The following TTN variants were observed in gnomAD, a reference collection of about 807,000 sequenced individuals.
The protein encoded by TTN is connectin.
In TTN, 1,525 loss-of-function variants were observed where a neutral mutation model predicts 3,223.0. The observed-to-expected ratio is 0.47, with a 90% CI of 0.45 to 0.49. The LOEUF (loss-of-function observed/expected upper bound fraction) is 0.49, where lower values mean the gene tolerates loss of function less well. TTN is among the 20% of genes least tolerant of loss of function. The probability of loss-of-function intolerance (pLI) is 0.00; values close to 1 mark genes in which losing one functional copy is unlikely to be tolerated. For missense variants in TTN, 40,786 were observed against 43,424.0 expected (o/e 0.94, Z 5.40); for synonymous variants, 14,094 against 15,161.0 (o/e 0.93, Z 5.17).
Position 178,591,705 on chromosome 2 carries a change from A to G in TTN, c.60114T>C (p.Thr20038=). 1.2e-6 allele frequency: 2 copies of G among 1,613,320 alleles called. No individual in the cohort carries two copies. The highest frequency in any genetic ancestry group is 2.2e-5 in the East Asian group (1 of 44,788). Residue 20038 remains threonine, a synonymous_variant, in exon 303 of 363, where the codon ACT becomes ACC. Transcript: ENST00000589042. ...TATAGGTCTTTCCTTGTTGTAGTCC[A>G]GTAACCACACACTCTAAGTTTGTCA... The part of the protein sequence containing the change: ...KTVTNLECVV[T]GLQQGKTYRF...
rs1427022532 is a variant in TTN, at chr2:178,649,815, A to G, written c.39895+2T>C. 1 of 1,611,292 alleles carries G rather than the reference A, an allele frequency of 6.2e-7. No homozygotes were observed. The highest frequency in any genetic ancestry group is 1.3e-5 in the African/African-American group (1 of 74,676). On this transcript the variant is annotated splice_donor_variant, in intron 211 of 362. Transcript: ENST00000589042. LOFTEE classifies it high-confidence loss of function. ...ATGAAGTATTCATTTTAACATGAGT[A>G]CCTTTAGGAGGCGGTGCTTCTGGTT...
At chr2:178,680,384 C>T (rs528450955) in intron 138 of TTN, 53 bp from the exon 139 acceptor site, 2 of 1,458,030 alleles carry the variant, frequency 1.4e-6, no homozygotes, top group African/African-American at 2.8e-5. Context: ...GCCACCCAGC[C>T]AATGCTTGTT....
Position 178,738,300 on chromosome 2 carries a change from T to A in TTN, c.14153A>T (p.Lys4718Ile), listed in dbSNP as rs753558755. The change falls in exon 49 of 363, where the codon AAA (lysine) becomes ATA (isoleucine). Residue 4718 changes from lysine (K) to isoleucine (I), a missense_variant. By Grantham distance (102) the Lys-to-Ile change is moderately radical. Transcript: ENST00000589042. ...PLEVALGHLAKFTCEIQSAPN... is the reference protein window; with the variant it reads ...PLEVALGHLAIFTCEIQSAPN... ...AGCACTTTGGATCTCACAGGTGAAT[T>A]TGGCTAGGTGGCCCAGTGCTACTTC... is the stretch of plus-strand genomic sequence containing the variant. The A allele has an allele frequency of 5.6e-6, 9 of 1,613,442 alleles. No homozygotes were observed. The East Asian group carries it at 2.0e-4, about 36-fold the overall frequency.
In TTN at chr2:178,570,535, G is replaced by A; in HGVS notation, c.75597C>T (p.Val25199=). The change falls in exon 326 of 363, where the codon GTC becomes GTT. Residue 25199 remains valine (V), a synonymous_variant. Transcript: ENST00000589042. ...GTGGCCCTGGTCTGTCAAGAACCTT[G>A]ACATTCACAGTAACTGATCTTTCTC... is the stretch of plus-strand genomic sequence containing the variant. ...VAGERSVTVN[V]KVLDRPGPPE... is the part of the protein sequence containing the mutation. 6.2e-7 allele frequency: 1 copy of A among 1,613,252 alleles called. No homozygotes were observed. Among genetic ancestry groups the A allele is most frequent in the Non-Finnish European group, 8.5e-7 (1 of 1,179,570 alleles).
At position 178,572,196 on chromosome 2, in the gene TTN, T is replaced by A. The variant is rs1424678846; in HGVS notation, c.73936A>T (p.Ser24646Cys). The A allele has an allele frequency of 1.2e-5, 19 of 1,613,362 alleles. No individual in the cohort carries two copies. In the Admixed American group the frequency reaches 3.0e-4, roughly 25 times the overall value. The change falls in exon 326 of 363, where the codon AGC becomes TGC. Residue 24646 changes from serine (S) to cysteine (C), a missense_variant. Coordinates refer to ENST00000589042, the MANE Select transcript of TTN (RefSeq NM_001267550.2). The part of the protein sequence containing the change: ...SWEKPEHDGG[S>C]RILGYIVEMQ... ...TCCACAATGTAGCCTAGAATTCGGC[T>A]GCCTCCATCATGCTCTGGTTTCTCC...
At chr2:178,649,742 C>A (rs543420542) in intron 211 of TTN, 75 bp downstream of exon 211, 1 of 1,556,944 alleles carries the variant, frequency 6.4e-7, no homozygotes, top group Non-Finnish European at 8.8e-7. Flanking sequence ...ACATATAATA[C>A]AACACAACAC....
chr2:178,671,162 T>C lies in TTN; in HGVS notation c.35236A>G (p.Ile11746Val). Reference protein sequence around the residue: ...KPKAPPKGPEISEKIIPPKKP... With the variant: ...KPKAPPKGPEVSEKIIPPKKP... ...TTTGGAGGGATGATTTTCTCAGATATCTCAGGCCCTTCAAAGATATTAGTA... is the reference window on the plus strand; with the variant it reads ...TTTGGAGGGATGATTTTCTCAGATACCTCAGGCCCTTCAAAGATATTAGTA... The change falls in exon 156 of 363, where the codon ATA (isoleucine) becomes GTA (valine). Residue 11746 changes from isoleucine (I) to valine (V), a missense_variant. Coordinates refer to ENST00000589042, the MANE Select transcript of TTN (RefSeq NM_001267550.2). The C allele has an allele frequency of 6.3e-7, 1 of 1,598,024 alleles. No individual in the cohort carries two copies. The highest frequency in any genetic ancestry group is 8.5e-7 in the Non-Finnish European group (1 of 1,173,924).
chr2:178,695,188 C>G (rs1425828539), intron 115 of TTN, among the ~76,000 whole-genome samples, 160 bp downstream of exon 115: 1 of 150,600 alleles, frequency 6.6e-6, no homozygotes, highest in East Asian at 1.9e-4. Flanking sequence ...TTAATGAAAT[C>G]AATTAGATAG....
At position 178,561,497 on chromosome 2, in the gene TTN, G is replaced by A. The variant is rs527851457; in HGVS notation, c.84635C>T (p.Thr28212Ile). The A allele has an allele frequency of 5.0e-6, 8 of 1,613,670 alleles. No homozygotes were observed. The Admixed American group carries it at 1.0e-4, about 20-fold the overall frequency. ...SKANKILIAD[T>I]QMKVSGLDEG... Reference sequence around the variant, plus strand: ...ATCAAGGCCGGAGACTTTCATTTGAGTATCAGCAATGAGGATTTTATTTGC... The same window carrying A: ...ATCAAGGCCGGAGACTTTCATTTGAATATCAGCAATGAGGATTTTATTTGC... Residue 28212 changes from threonine (T) to isoleucine (I), a missense_variant, in exon 326 of 363, where the codon ACT (threonine) becomes ATT (isoleucine). Physicochemically the swap from Thr to Ile is moderately conservative, Grantham distance 89. Transcript: ENST00000589042.
At position 178,542,531 on chromosome 2, in the gene TTN, T is replaced by C; in HGVS notation, c.97225A>G (p.Ile32409Val). 1 of 1,608,768 alleles carries C rather than the reference T, an allele frequency of 6.2e-7. No individual in the cohort carries two copies. Among genetic ancestry groups the C allele is most frequent in the Non-Finnish European group, 8.5e-7 (1 of 1,175,822 alleles). ...ATTGATGTAGCATCAATTTCATCAA[T>C]CTTAATAGGTCCTGTTGGTGGACCA... ...KPGPPTGPIKIDEIDATSITI... is the reference protein window; with the variant it reads ...KPGPPTGPIKVDEIDATSITI... The change falls in exon 349 of 363, where the codon ATT becomes GTT. Residue 32409 changes from isoleucine to valine, a missense_variant. By Grantham distance (29) the Ile-to-Val change is conservative. Transcript: ENST00000589042.
intron 92 of TTN, 121 bp from the exon 93 acceptor site, chr2:178,713,493 T>C (rs1484996445): frequency 1.4e-6 from 2 of 1,394,846 alleles, no homozygotes; most frequent in Non-Finnish European, 1.9e-6. Context: ...CATTTGGCTC[T>C]TTTGTGACGG....
Position 178,585,187 on chromosome 2 carries a change from G to A in TTN, c.64557C>T (p.Asp21519=). 6.2e-7 allele frequency: 1 copy of A among 1,613,348 alleles called. No individual in the cohort carries two copies. ...CTTTTATGATCAGAATTGAAGAGCTGTCTGCTTTATGCACTGCCAGGTGGC... is the reference window on the plus strand; with the variant it reads ...CTTTTATGATCAGAATTGAAGAGCTATCTGCTTTATGCACTGCCAGGTGGC... ...TSSHLAVHKA[D]SSSILIIKDV... Residue 21519 remains aspartate (D), a synonymous_variant, in exon 309 of 363, where the codon GAC becomes GAT. Coordinates refer to ENST00000589042, the MANE Select transcript of TTN (RefSeq NM_001267550.2).
In TTN at chr2:178,633,657, A is replaced by G; in HGVS notation, c.42702T>C (p.Thr14234=). 1.2e-6 allele frequency: 2 copies of G among 1,612,894 alleles called. No homozygotes were observed. The highest frequency in any genetic ancestry group is 1.7e-6 in the Non-Finnish European group (2 of 1,179,434). The change falls in exon 232 of 363, where the codon ACT becomes ACC. Residue 14234 remains threonine, a synonymous_variant. Transcript: ENST00000589042. The stretch of plus-strand genomic sequence containing the variant: ...CTGCAGTTTTGTCATGTAATTTCAC[A>G]GTGAAGTAGGGATCGGCCTCTGTAA... ...LKVLEADPYF[T]VKLHDKTAVE... is the part of the protein sequence containing the mutation.
rs770139489 is a variant in TTN at position 178,590,278 on chromosome 2, G to A, written c.61447C>T (p.Arg20483Cys). Residue 20483 changes from arginine to cysteine, a missense_variant, in exon 304 of 363, where the codon CGT becomes TGT. Physicochemically the swap from Arg to Cys is radical, Grantham distance 180 (BLOSUM62 -3). Transcript: ENST00000589042. The part of the protein sequence containing the change: ...PPEVELDVTC[R>C]DVITVRVGQT... The stretch of plus-strand genomic sequence containing the variant: ...CCTACTCTCACGGTAATAACATCAC[G>A]ACAAGTAACATCAAGTTCTACTTCT... 11 of 1,572,790 alleles carry A rather than the reference G, an allele frequency of 7.0e-6. No individual in the cohort carries two copies. Among genetic ancestry groups the A allele is most frequent in the Non-Finnish European group, 9.5e-6 (11 of 1,159,964 alleles).
In TTN at chr2:178,574,502, C is replaced by T. The variant is rs1239475601; in HGVS notation, c.71630G>A (p.Ser23877Asn). 4 of 1,613,518 alleles carry T rather than the reference C, an allele frequency of 2.5e-6. No homozygotes were observed. The African/African-American group carries it at 4.0e-5, about 16-fold the overall frequency. Residue 23877 changes from serine (S) to asparagine (N), a missense_variant, in exon 326 of 363, where the codon AGC (serine) becomes AAC (asparagine). Transcript: ENST00000589042. ...ERNGILWQTV[S>N]KALVPGNIFK... ...AATGTTGCCTGGTACTAAAGCTTTG[C>T]TCACAGTCTGCCAGAGAATACCATT...
intron 140 of TTN, 60 bp from the exon 141 acceptor site, chr2:178,679,742 G>C: frequency 6.5e-7 from 1 of 1,548,618 alleles, no homozygotes; most frequent in Non-Finnish European, 8.7e-7. Context: ...AATGTGAAAA[G>C]CACCTGTAGA....
rs778145097 is a variant in TTN, at chr2:178,729,695, C to T, written c.18558G>A (p.Thr6186=). Residue 6186 remains threonine, a synonymous_variant, in exon 63 of 363, where the codon ACG becomes ACA. Transcript: ENST00000589042. ...YVCEARNDAG[T]ASCSIELKVK... is the part of the protein sequence containing the mutation. ...CTTTGAGTTCAATGCTGCAGCTCGC[C>T]GTGCCTGCGTCATTTCGAGCTTCAC... is the stretch of plus-strand genomic sequence containing the variant. 103 of 1,613,694 alleles carry T rather than the reference C, an allele frequency of 6.4e-5. No homozygotes were observed. The highest frequency in any genetic ancestry group is 8.4e-5 in the Non-Finnish European group (99 of 1,179,710).
intron 257 of TTN, 76 bp downstream of exon 257, chr2:178,616,403 T>C: frequency 3.2e-6 from 5 of 1,579,380 alleles, no homozygotes; most frequent in Non-Finnish European, 4.3e-6. Context: ...CATAAGACTT[T>C]TGTATGGCAT....
At position 178,594,052 on chromosome 2, in the gene TTN, G is replaced by C. The variant is rs1159324065; in HGVS notation, c.58341C>G (p.Ile19447Met). ...TTPATLALEK[I>M]KAKRSDSGKY... ...TGCCGGAATCTGAACGTTTGGCCTT[G>C]ATCTTCTCTAAAGCAAGTGTTGCTG... Residue 19447 changes from isoleucine (I) to methionine (M), a missense_variant, in exon 297 of 363, where the codon ATC (isoleucine) becomes ATG (methionine). Coordinates refer to ENST00000589042, the MANE Select transcript of TTN (RefSeq NM_001267550.2). 1 of 1,613,526 alleles carries C rather than the reference G, an allele frequency of 6.2e-7. No individual in the cohort carries two copies. Among genetic ancestry groups the C allele is most frequent in the Non-Finnish European group, 8.5e-7 (1 of 1,179,652 alleles).
Sources: allele counts gnomAD v4.1 joint callset (sites outside exome capture counted in the v4.1 genomes callset), GRCh38; gene constraint gnomAD v4.1.1; transcripts MANE v1.5; gene names NCBI Gene and HGNC (gene_info 2026-07-23, HGNC 2026-07-21).